The following MKLN1 variants were observed in gnomAD, a reference collection of about 807,000 sequenced individuals.
MKLN1 encodes muskelin.
MKLN1 carries 18 observed loss-of-function variants against 99.0 expected under a neutral mutation model. The observed-to-expected ratio is 0.18, with a 90% CI of 0.13 to 0.27. The LOEUF (loss-of-function observed/expected upper bound fraction) is 0.27, where lower values mean the gene tolerates loss of function less well. MKLN1 is among the 10% of genes least tolerant of loss of function. The pLI is 1.00. For missense variants in MKLN1, 621 were observed against 875.9 expected (o/e 0.71, Z 3.67); for synonymous variants, 288 against 293.2 (o/e 0.98, Z 0.18).
chr7:131,142,908 G>A, exon 2 of MKLN1: 1 of 1,305,030 alleles, frequency 7.7e-7, no homozygotes, highest in African/African-American at 1.5e-5. Flanking sequence ...TTCATAACCT[G>A]CTCCATGCTT....
At chr7:131,286,766 T>G (rs1325187386) in intron 3 of MKLN1, among the ~76,000 whole-genome samples, 3 of 152,194 alleles carry the variant, frequency 2.0e-5, no homozygotes, top group Non-Finnish European at 4.4e-5. Flanking sequence ...ACAAAAGAAC[T>G]ACAACTCAGG....
At position 131,360,657 on chromosome 7, in the gene MKLN1, A is replaced by G. The variant is rs73722814; in HGVS notation, c.99-14767A>G. Among the ~76,000 whole-genome samples, 958 of 152,256 alleles carry G rather than the reference A, an allele frequency of 6.3e-3. 9 individuals are homozygous for G. The highest frequency in any genetic ancestry group is 0.022 in the African/African-American group (903 of 41,566). On this transcript the variant is annotated intron_variant, in intron 1 of 17. Transcript: ENST00000352689. ...CATAATCACTCAATATATTGTTAACATTGTTACTTTGAACAGTTATTTGTT... is the reference window on the plus strand; with the variant it reads ...CATAATCACTCAATATATTGTTAACGTTGTTACTTTGAACAGTTATTTGTT...
chr7:131,418,261 CG>C lies in MKLN1; in HGVS notation c.847+3557del, dbSNP rs924967024. Among the ~76,000 whole-genome samples, 6 of 148,712 alleles carry C rather than the reference CG, an allele frequency of 4.0e-5. No individual in the cohort carries two copies. In the Admixed American group the frequency reaches 4.1e-4, roughly 10 times the overall value. ...GCAGGTGCCTGTAATCCCAGCTACTCGGGGGGCCGAGGCAGGAGAATCACTT... is the reference window on the plus strand; with the variant it reads ...GCAGGTGCCTGTAATCCCAGCTACTCGGGGGCCGAGGCAGGAGAATCACTT... On this transcript the variant is annotated intron_variant, in intron 8 of 17. Transcript: ENST00000352689.
intron 3 of MKLN1, among the ~76,000 whole-genome samples, chr7:131,322,533 A>G (rs1251598703): frequency 2.6e-5 from 4 of 151,870 alleles, no homozygotes; most frequent in Non-Finnish European, 5.9e-5. Context: ...GGAGAGAGAA[A>G]GCCAGAAAGG....
intron 1 of MKLN1, among the ~76,000 whole-genome samples, chr7:131,333,227 C>A (rs1799131590): frequency 1.3e-5 from 2 of 151,168 alleles, no homozygotes; most frequent in Non-Finnish European, 3.0e-5. Flanking sequence ...CCCAGCCAAC[C>A]ATGCCTGGCT....
chr7:131,478,813 C>A, intron 17 of MKLN1, 136 bp downstream of exon 17: 3 of 1,073,316 alleles, frequency 2.8e-6, no homozygotes, highest in East Asian at 2.4e-5. Context: ...AGGTATCATG[C>A]AAAATTTCTA....
In MKLN1 at chr7:131,479,374, T is replaced by A. The variant is rs1432812238; in HGVS notation, c.2086+697T>A. Among the ~76,000 whole-genome samples, 6 of 151,914 alleles carry A rather than the reference T, an allele frequency of 3.9e-5. No individual in the cohort carries two copies. The South Asian group carries it at 6.3e-4, about 16-fold the overall frequency. On this transcript the variant is annotated intron_variant, in intron 17 of 17. Transcript: ENST00000352689. Reference sequence around the variant, plus strand: ...AAGACCTCGTCTCTACAAAAAAAAATTTTTAATTAGCCAGGTGTAGTGGTG... The same window carrying A: ...AAGACCTCGTCTCTACAAAAAAAAAATTTTAATTAGCCAGGTGTAGTGGTG...
At chr7:131,388,573 G>A (rs1383950685) in intron 3 of MKLN1, among the ~76,000 whole-genome samples, 1 of 152,148 alleles carries the variant, frequency 6.6e-6, no homozygotes, top group African/African-American at 2.4e-5. Context: ...AAAATTTTAT[G>A]TTATATTCAG....
chr7:131,221,148 T>A (rs931868239), intron 3 of MKLN1, among the ~76,000 whole-genome samples: 1 of 152,230 alleles, frequency 6.6e-6, no homozygotes, highest in African/African-American at 2.4e-5. Flanking sequence ...CCTGGCTTGG[T>A]GCACAGTATG....
At position 131,192,153 on chromosome 7, in the gene MKLN1, A is replaced by AT. The variant is rs1491351389; in HGVS notation, c.-296-10704_-296-10703insT. ...TATAAAAATATATATACGTATATATACATATATACTTATGTATAATATATA... is the reference window on the plus strand; with the variant it reads ...TATAAAAATATATATACGTATATATATCATATATACTTATGTATAATATATA... On this transcript the variant is annotated intron_variant, in intron 2 of 7. Transcript: ENST00000416992. Among the ~76,000 whole-genome samples the AT allele has an allele frequency of 8.3e-4, 101 of 122,172 alleles. 9 individuals are homozygous for AT. The highest frequency in any genetic ancestry group is 3.2e-3 in the African/African-American group (97 of 30,398). 80.1% of individuals were successfully genotyped at this position (122,172 alleles called of 152,430 possible). A position where few individuals can be genotyped will look rare whatever the true frequency, so the allele number is the denominator to read the frequency against.
At chr7:131,237,573 A>G (rs895172356) in intron 3 of MKLN1, among the ~76,000 whole-genome samples, 58 of 152,294 alleles carry the variant, frequency 3.8e-4, no homozygotes, top group African/African-American at 1.3e-3. Context: ...AGAGACAATA[A>G]AAATATTAGG....
chr7:131,300,746 A>C (rs144380445), intron 3 of MKLN1, among the ~76,000 whole-genome samples: 105 of 151,438 alleles, frequency 6.9e-4, no homozygotes, highest in African/African-American at 2.4e-3. Context: ...AGAGCGTGGC[A>C]TTCATACCAC....
rs539640634 is a variant in MKLN1 at position 131,162,571 on chromosome 7, C to A, written c.-297+19630C>A. 9.9e-5 allele frequency among the ~76,000 whole-genome samples: 15 copies of A among 152,184 alleles called. No homozygotes were observed. In the South Asian group the frequency reaches 3.1e-3, roughly 32 times the overall value. ...TTATTAACAGTATTATATAAAATTA[C>A]CTTCAGGCCATGTGTATAATATGTA... On this transcript the variant is annotated intron_variant, in intron 2 of 7. Coordinates refer to the MKLN1 transcript ENST00000416992.
At chr7:131,408,463 GT>G (rs1365207222) in intron 6 of MKLN1, among the ~76,000 whole-genome samples, 1 of 152,104 alleles carries the variant, frequency 6.6e-6, no homozygotes, top group African/African-American at 2.4e-5. Flanking sequence ...TTTGATAAAA[GT>G]TTGAGTTTAC....
At chr7:131,255,874 C>A (rs1440109797) in intron 3 of MKLN1, among the ~76,000 whole-genome samples, 1 of 142,726 alleles carries the variant, frequency 7.0e-6, no homozygotes, top group Non-Finnish European at 1.5e-5. Context: ...AGCCACTGTG[C>A]CCGACCTATT....
chr7:131,208,532 G>A (rs1451387323), intron 3 of MKLN1, among the ~76,000 whole-genome samples: 1 of 152,150 alleles, frequency 6.6e-6, no homozygotes, highest in African/African-American at 2.4e-5. Flanking sequence ...GAGGTTGGTC[G>A]AGGCTGCAGT....
At chr7:131,394,749 A>G (rs1297599578) in intron 4 of MKLN1, among the ~76,000 whole-genome samples, 1 of 152,014 alleles carries the variant, frequency 6.6e-6, no homozygotes, top group Non-Finnish European at 1.5e-5. Flanking sequence ...TGGATATTCT[A>G]TTTTGATGCT....
intron 3 of MKLN1, among the ~76,000 whole-genome samples, chr7:131,291,101 T>TTTTTTTTA (rs1554547691): frequency 2.2e-4 from 30 of 134,866 alleles, no homozygotes; most frequent in Non-Finnish European, 3.0e-4. Context: ...TCTCATTTTA[T>TTTTTTTTA]TTTATTTATT....
intron 2 of MKLN1, among the ~76,000 whole-genome samples, chr7:131,166,250 T>C (rs1285812525): frequency 6.6e-6 from 1 of 152,154 alleles, no homozygotes; most frequent in Non-Finnish European, 1.5e-5. Flanking sequence ...GTTTTGAGCA[T>C]TGGTGAGTCA....
Sources: gnomAD v4.1 joint callset for allele counts (sites outside exome capture counted in the v4.1 genomes callset) on GRCh38, gnomAD v4.1.1 for gene constraint, MANE v1.5 for transcripts, NCBI Gene and HGNC (gene_info 2026-07-23, HGNC 2026-07-21) for gene names.